Variants in KRT9 observed in about 807,000 individuals in gnomAD.
KRT9 encodes keratin 9.
KRT9 carries 34 observed loss-of-function variants against 51.4 expected under a neutral mutation model. The observed-to-expected ratio is 0.66, with a 90% CI of 0.50 to 0.88. The LOEUF (loss-of-function observed/expected upper bound fraction) is 0.88, where lower values mean the gene tolerates loss of function less well. Among genes scored for constraint, KRT9 ranks in the 40% least tolerant of loss-of-function variants. KRT9 has a pLI of 0.00. For synonymous variants in KRT9, 292 were observed against 289.7 expected (o/e 1.01, Z -0.08); for missense variants, 753 against 790.3 (o/e 0.95, Z 0.57).
chr17:41,568,443 A>C (rs188063906), intron 5 of KRT9, 58 bp from the exon 6 acceptor site: 1 of 1,613,026 alleles, frequency 6.2e-7, no homozygotes. Context: ...TCTTCTTCCC[A>C]CTCCTGGGCT....
chr17:41,567,328 G>T lies in KRT9; in HGVS notation c.1817C>A (p.Ala606Glu), dbSNP rs756686403. Residue 606 changes from alanine to glutamate, a missense_variant, in exon 7 of 8, where the codon GCG becomes GAG. Ala to Glu is a moderately radical substitution (Grantham distance 107). Coordinates refer to ENST00000246662, the MANE Select transcript of KRT9 (RefSeq NM_000226.4). ...SGGSYGGGEE[A>E]SGSGGGYGGG... ...TCCGTAGCCGCCACCACTTCCACTC[G>T]CTTCTTCACCGCCTCCGTAGCTGCC... 1 of 1,613,806 alleles carries T rather than the reference G, an allele frequency of 6.2e-7. No homozygotes were observed. Among genetic ancestry groups the T allele is most frequent in the Non-Finnish European group, 8.5e-7 (1 of 1,179,946 alleles).
chr17:41,571,336 G>C lies in KRT9; in HGVS notation c.642+15C>G, dbSNP rs1907068376. On this transcript the variant is annotated intron_variant, in intron 1 of 7. Coordinates refer to ENST00000246662, the MANE Select transcript of KRT9 (RefSeq NM_000226.4). ...AGAGAAAGAGACCAAGACAGAGACA[G>C]TTTCCTGCACCTACCTGGTCCTTGA... 6.2e-7 allele frequency: 1 copy of C among 1,608,810 alleles called. No homozygotes were observed. The highest frequency in any genetic ancestry group is 8.5e-7 in the Non-Finnish European group (1 of 1,175,160).
At chr17:41,568,712 T>G in intron 4 of KRT9, 79 bp from the exon 5 acceptor site, 1 of 1,582,084 alleles carries the variant, frequency 6.3e-7, no homozygotes, top group Non-Finnish European at 8.7e-7. Context: ...TTCACCAGGA[T>G]CTTCACCTCC....
At position 41,571,837 on chromosome 17, in the gene KRT9, GCCAC is replaced by G. The variant is rs1597794877; in HGVS notation, c.152_155del (p.Ser51ThrfsTer35). On this transcript the variant is annotated frameshift_variant, in exon 1 of 8. Coordinates refer to ENST00000246662, the MANE Select transcript of KRT9 (RefSeq NM_000226.4). LOFTEE classifies it high-confidence loss of function. Reference sequence around the variant, plus strand: ...AGACACGAGAGCTTCCCCCACCATAGCCACTAGAAGAGCTGAATCGGCCCCCTCC... The same window carrying G: ...AGACACGAGAGCTTCCCCCACCATAGTAGAAGAGCTGAATCGGCCCCCTCC... The G allele has an allele frequency of 1.9e-6, 3 of 1,611,586 alleles. No individual in the cohort carries two copies. Among genetic ancestry groups the G allele is most frequent in the Non-Finnish European group, 2.5e-6 (3 of 1,178,652 alleles).
chr17:41,567,168 A>G (rs566500572), intron 7 of KRT9, 65 bp downstream of exon 7: 1 of 1,538,814 alleles, frequency 6.5e-7, no homozygotes, highest in African/African-American at 1.6e-5. Flanking sequence ...AGATTCAAAA[A>G]TACTCAAAAA....
rs1907091263 is a variant in KRT9 at position 41,571,714 on chromosome 17, A to G, written c.279T>C (p.Gly93=). 6.2e-7 allele frequency: 1 copy of G among 1,611,096 alleles called. No homozygotes were observed. Among genetic ancestry groups the G allele is most frequent in the African/African-American group, 1.3e-5 (1 of 74,672 alleles). Residue 93 remains glycine (G), a synonymous_variant, in exon 1 of 8, where the codon GGT becomes GGC. Transcript: ENST00000246662. ...ASSLGGGFGG[G]SRGFGGASGG... ...CAGAAGCACCACCAAAACCTCTGGAACCACCCCCAAAGCCACCGCCTAAAC... is the reference window on the plus strand; with the variant it reads ...CAGAAGCACCACCAAAACCTCTGGAGCCACCCCCAAAGCCACCGCCTAAAC...
rs769195603 is a variant in KRT9 at position 41,571,815 on chromosome 17, C to A, written c.178G>T (p.Val60Phe). Residue 60 changes from valine (V) to phenylalanine (F), a missense_variant, in exon 1 of 8, where the codon GTC becomes TTC. Around this residue, in one of 3 missense-constraint regions of KRT9, gnomAD observed 241 missense variants for 210.3 expected, o/e 1.15. Transcript: ENST00000246662. ...CTGCCACCGCCTCCCCTCCCACAGA[C>A]ACGAGAGCTTCCCCCACCATAGCCA... ...SSGYGGGSSRVCGRGGGGSFG... is the reference protein window; with the variant it reads ...SSGYGGGSSRFCGRGGGGSFG... 1.9e-6 allele frequency: 3 copies of A among 1,613,456 alleles called. No homozygotes were observed. The highest frequency in any genetic ancestry group is 2.5e-6 in the Non-Finnish European group (3 of 1,179,618).
chr17:41,571,910 A>ATGCT lies in KRT9; in HGVS notation c.79_82dup (p.Ile28LysfsTer25), dbSNP rs1323538691. 6.2e-7 allele frequency: 1 copy of ATGCT among 1,600,310 alleles called. No homozygotes were observed. Among genetic ancestry groups the ATGCT allele is most frequent in the South Asian group, 1.1e-5 (1 of 89,278 alleles). On this transcript the variant is annotated frameshift_variant, in exon 1 of 8. Transcript: ENST00000246662. LOFTEE classifies it high-confidence loss of function. ...GCTGAAGCGGCTGTAGGAAGACCTTATGCTGCCCCCGCTGCCCAGGCCGCC... is the reference window on the plus strand; with the variant it reads ...GCTGAAGCGGCTGTAGGAAGACCTTATGCTTGCTGCCCCCGCTGCCCAGGCCGCC...
intron 4 of KRT9, 31 bp downstream of exon 4, chr17:41,569,395 G>A (rs771085318): frequency 1.2e-5 from 19 of 1,607,434 alleles, no homozygotes; most frequent in Non-Finnish European, 1.6e-5. Flanking sequence ...ATGGAGGGGA[G>A]GAGGATGAAT....
At position 41,567,477 on chromosome 17, in the gene KRT9, G is replaced by A. The variant is rs369406178; in HGVS notation, c.1668C>T (p.Gly556=). Reference sequence around the variant, plus strand: ...CAGAGCCACTTCCTCCTCCATAGTTGCCCCCACTTCCTCCACTATGACCAC... The same window carrying A: ...CAGAGCCACTTCCTCCTCCATAGTTACCCCCACTTCCTCCACTATGACCAC... ...SGGGHSGGSG[G]NYGGGSGSGG... The change falls in exon 7 of 8, where the codon GGC becomes GGT. Residue 556 remains glycine (G), a synonymous_variant. Coordinates refer to ENST00000246662, the MANE Select transcript of KRT9 (RefSeq NM_000226.4). 2 of 1,531,666 alleles carry A rather than the reference G, an allele frequency of 1.3e-6. No individual in the cohort carries two copies. The highest frequency in any genetic ancestry group is 2.5e-5 in the East Asian group (1 of 40,460). The allele number at this position is 1,531,666 out of a possible 1,614,324, so 94.9% of individuals were successfully genotyped here.
At chr17:41,570,352 A>C in intron 1 of KRT9, 132 bp from the exon 2 acceptor site, 3 of 807,654 alleles carry the variant, frequency 3.7e-6, no homozygotes, top group African/African-American at 1.7e-5. Flanking sequence ...AACTTCCAAC[A>C]GCTGGGACAT....
intron 1 of KRT9, among the ~76,000 whole-genome samples, chr17:41,570,852 T>C (rs1228180126): frequency 6.6e-6 from 1 of 152,086 alleles, no homozygotes; most frequent in East Asian, 1.9e-4. Context: ...GATAGATAGA[T>C]AGACATGTGG....
intron 7 of KRT9, among the ~76,000 whole-genome samples, chr17:41,566,784 T>A (rs1022675757): frequency 1.3e-5 from 2 of 152,112 alleles, no homozygotes; most frequent in Non-Finnish European, 2.9e-5. Flanking sequence ...AATCCCTGAG[T>A]CTCTTTTCCA....
chr17:41,568,600 C>A lies in KRT9; in HGVS notation c.1078G>T (p.Gly360Cys). 6.2e-7 allele frequency: 1 copy of A among 1,614,128 alleles called. No homozygotes were observed. The highest frequency in any genetic ancestry group is 8.5e-7 in the Non-Finnish European group (1 of 1,180,006). Residue 360 changes from glycine (G) to cysteine (C), a missense_variant, in exon 5 of 8, where the codon GGT becomes TGT. Physicochemically the swap from Gly to Cys is radical, Grantham distance 159. This residue lies in a region of KRT9 where 507 missense variants were observed against 563.7 expected (regional missense o/e 0.90). Transcript: ENST00000246662. Reference sequence around the variant, plus strand: ...TTGGCACTGGACTGCACCTCCTGACCACTACTGGATACCTCATGCTCGATC... The same window carrying A: ...TTGGCACTGGACTGCACCTCCTGACAACTACTGGATACCTCATGCTCGATC... ...TQIEHEVSSS[G>C]QEVQSSAKEV...
Position 41,571,732 on chromosome 17 carries a change from G to A in KRT9, c.261C>T (p.Gly87=), listed in dbSNP as rs781525579. The part of the protein sequence containing the change: ...SGGGFSASSL[G]GGFGGGSRGF... ...CTCTGGAACCACCCCCAAAGCCACC[G>A]CCTAAACTACTGGCACTAAAACCAC... The change falls in exon 1 of 8, where the codon GGC becomes GGT. Residue 87 remains glycine (G), a synonymous_variant. Coordinates refer to ENST00000246662, the MANE Select transcript of KRT9 (RefSeq NM_000226.4). 13 of 1,611,540 alleles carry A rather than the reference G, an allele frequency of 8.1e-6. No individual in the cohort carries two copies. Among genetic ancestry groups the A allele is most frequent in the South Asian group, 5.5e-5 (5 of 90,812 alleles).
In KRT9 at chr17:41,571,947, C is replaced by T. The variant is rs780699884; in HGVS notation, c.46G>A (p.Gly16Arg). Residue 16 changes from glycine (G) to arginine (R), a missense_variant, in exon 1 of 8, where the codon GGG becomes AGG. Gly to Arg is a moderately radical substitution (Grantham distance 125, BLOSUM62 -2). Coordinates refer to ENST00000246662, the MANE Select transcript of KRT9 (RefSeq NM_000226.4). The part of the protein sequence containing the change: ...FSSSYLSRSG[G>R]GGGGGLGSGG... ...CTGCCCAGGCCGCCCCCGCCACCCCCGCCGCTGCGGCTCAAGTAGGACGAG... is the reference window on the plus strand; with the variant it reads ...CTGCCCAGGCCGCCCCCGCCACCCCTGCCGCTGCGGCTCAAGTAGGACGAG... 114 of 1,581,670 alleles carry T rather than the reference C, an allele frequency of 7.2e-5. No homozygotes were observed. The highest frequency in any genetic ancestry group is 2.2e-4 in the Middle Eastern group (1 of 4,472).
rs751481694 is a variant in KRT9, at chr17:41,567,755, G to A, written c.1395-5C>T. 6.2e-7 allele frequency: 1 copy of A among 1,613,248 alleles called. No homozygotes were observed. The highest frequency in any genetic ancestry group is 1.7e-5 in the Admixed American group (1 of 60,010). On this transcript the variant is annotated splice_polypyrimidine_tract_variant and splice_region_variant and intron_variant, in intron 6 of 7. Coordinates refer to ENST00000246662, the MANE Select transcript of KRT9 (RefSeq NM_000226.4). Reference sequence around the variant, plus strand: ...TTTCCAGCTCCGGAGGATTCACTAAGAAAGAAAGAAAACAAGAGAGTTAAA... The same window carrying A: ...TTTCCAGCTCCGGAGGATTCACTAAAAAAGAAAGAAAACAAGAGAGTTAAA...
chr17:41,567,945 C>A (rs996003302), intron 6 of KRT9, among the ~76,000 whole-genome samples, 195 bp from the exon 7 acceptor site: 1 of 152,106 alleles, frequency 6.6e-6, no homozygotes, highest in African/African-American at 2.4e-5. Context: ...CCTCCCCTCC[C>A]TGGAGCAGGG....
chr17:41,569,689 T>A, intron 3 of KRT9, 102 bp from the exon 4 acceptor site: 1 of 1,534,656 alleles, frequency 6.5e-7, no homozygotes. Context: ...GGGGACACAG[T>A]TGTGAAGCCA....
Sources: gnomAD v4.1 joint callset for allele counts (sites outside exome capture counted in the v4.1 genomes callset) on GRCh38, gnomAD v4.1.1 for gene constraint, gnomAD v4.1.1 regional missense constraint, MANE v1.5 for transcripts, NCBI Gene and HGNC (gene_info 2026-07-23, HGNC 2026-07-21) for gene names.